Variants in ZNF596 observed in about 807,000 individuals in gnomAD.
ZNF596 encodes zinc finger protein 596.
In ZNF596, 45 loss-of-function variants were observed where a neutral mutation model predicts 48.3. That is an observed-to-expected ratio of 0.93 (90% CI 0.73 to 1.19). The LOEUF (loss-of-function observed/expected upper bound fraction) is 1.19, where lower values mean the gene tolerates loss of function less well. Among genes scored for constraint, ZNF596 ranks in the 50% most tolerant of loss-of-function variants. ZNF596 has a pLI of 0.00. For synonymous variants in ZNF596, 270 were observed against 202.0 expected (o/e 1.34, Z -2.85); for missense variants, 848 against 599.7 (o/e 1.41, Z -4.32).
chr8:242,971 C>G lies in ZNF596; in HGVS notation c.97C>G (p.Gln33Glu). The G allele has an allele frequency of 2.5e-6, 4 of 1,612,276 alleles. No individual in the cohort carries two copies. Among genetic ancestry groups the G allele is most frequent in the Non-Finnish European group, 3.4e-6 (4 of 1,178,648 alleles). ...GGACACATCCCAGAGAAAGCTGTTT[C>G]AAGATGTGATGTTGGAGAACATCAG... ...LLDTSQRKLF[Q>E]DVMLENISHL... The change falls in exon 3 of 6, where the codon CAA becomes GAA. Residue 33 changes from glutamine to glutamate, a missense_variant. By Grantham distance (29) the Gln-to-Glu change is conservative. Coordinates refer to ENST00000398612, the MANE Select transcript of ZNF596 (RefSeq NM_001042416.3).
At chr8:240,987 A>G (rs973507451) in intron 2 of ZNF596, 80 bp downstream of exon 2, 1 of 1,538,994 alleles carries the variant, frequency 6.5e-7, no homozygotes, top group Non-Finnish European at 9.0e-7. Context: ...ATTAACATGG[A>G]TGTTCTAAGT....
chr8:235,468 CTGTA>C (rs1475517982), intron 1 of ZNF596, among the ~76,000 whole-genome samples: 1 of 151,676 alleles, frequency 6.6e-6, no homozygotes, highest in East Asian at 1.9e-4. Context: ...GAACTTGATA[CTGTA>C]TGTATGTTTT....
chr8:233,506 A>G (rs1026734790), intron 1 of ZNF596: 3 of 218,314 alleles, frequency 1.4e-5, no homozygotes, highest in East Asian at 1.4e-4. Context: ...TTAGTATTCA[A>G]CAGCTTCCTC....
intron 1 of ZNF596, chr8:232,897 G>A (rs1354192433): frequency 4.3e-6 from 2 of 468,140 alleles, no homozygotes; most frequent in Non-Finnish European, 8.8e-6. Flanking sequence ...GACTGGGGTA[G>A]GGGACCTGCC....
At chr8:239,230 C>G (rs887897733) in intron 1 of ZNF596, among the ~76,000 whole-genome samples, 2 of 152,216 alleles carry the variant, frequency 1.3e-5, no homozygotes, top group African/African-American at 4.8e-5. Flanking sequence ...ACTCTGTCAC[C>G]CAGGCTGGAG....
At chr8:232,340 A>G (rs17744517), upstream of ZNF596, 20,507 of 156,482 alleles carry the variant, frequency 0.13, 1,353 homozygotes, top group East Asian at 0.34. Flanking sequence ...CCCTCCCTGC[A>G]CGTACGGGCC....
intron 3 of ZNF596, chr8:243,456 C>T (rs1300590265): frequency 1.1e-5 from 4 of 366,552 alleles, no homozygotes; most frequent in Admixed American, 4.3e-5. Context: ...TGTAATTTCT[C>T]ACTAAGTGAA....
At chr8:242,739 T>A (rs1267239708) in intron 2 of ZNF596, 148 bp from the exon 3 acceptor site, 3 of 610,906 alleles carry the variant, frequency 4.9e-6, no homozygotes, top group African/African-American at 1.9e-5. Context: ...CAGTTCAGAT[T>A]TAAAGCAATG....
chr8:237,619 A>G (rs1796672072), intron 1 of ZNF596: 3 of 152,322 alleles, frequency 2.0e-5, no homozygotes, highest in Middle Eastern at 3.4e-3. Context: ...CATATTTACT[A>G]TTTATGTATG....
intron 1 of ZNF596, 106 bp from the exon 2 acceptor site, chr8:240,718 C>A: frequency 1.4e-6 from 1 of 703,566 alleles, no homozygotes. Context: ...CCCCTACCCA[C>A]TGCATGTCCT....
Position 242,857 on chromosome 8 carries a change from G to C in ZNF596, c.13-30G>C, listed in dbSNP as rs969555725. 5 of 1,466,236 alleles carry C rather than the reference G, an allele frequency of 3.4e-6. No homozygotes were observed. In the Admixed American group the frequency reaches 6.2e-5, roughly 18 times the overall value. 90.8% of individuals were successfully genotyped at this position (1,466,236 alleles called of 1,614,324 possible). On this transcript the variant is annotated intron_variant, in intron 2 of 5. Transcript: ENST00000398612. ...ACTGAACATTGGCAGAGATAGCCCT[G>C]TTTGCAGTAGAATGTCCATAATGTT...
At chr8:233,791 A>G (rs1343585051) in intron 1 of ZNF596, 1 of 152,378 alleles carries the variant, frequency 6.6e-6, no homozygotes, top group East Asian at 1.9e-4. Context: ...GGAGAAGACA[A>G]ATGCTTTTAA....
intron 3 of ZNF596, 46 bp downstream of exon 3, chr8:243,059 A>C (rs1333682723): frequency 1.3e-6 from 2 of 1,533,608 alleles, no homozygotes; most frequent in Non-Finnish European, 1.8e-6. Context: ...GGATTCATTC[A>C]CTCACTCATT....
chr8:243,510 C>T, intron 3 of ZNF596: 2 of 433,640 alleles, frequency 4.6e-6, no homozygotes, highest in Non-Finnish European at 8.3e-6. Context: ...GAGGCATGGC[C>T]ATCAGCAATT....
At chr8:244,365 A>G (rs967013848) in intron 4 of ZNF596, 3 of 465,400 alleles carry the variant, frequency 6.4e-6, no homozygotes, top group African/African-American at 2.0e-5. Flanking sequence ...TTAAACTATT[A>G]CATACTAGCC....
Position 245,668 on chromosome 8 carries a change from C to T in ZNF596, c.821C>T (p.Thr274Ile), listed in dbSNP as rs762487868. The part of the protein sequence containing the change: ...SNLRRHEMIH[T>I]REKAQICHLC... ...CTTAGACGACATGAGATGATTCACA[C>T]TAGAGAAAAAGCACAGATATGCCAT... The change falls in exon 6 of 6, where the codon ACT becomes ATT. Residue 274 changes from threonine (T) to isoleucine (I), a missense_variant. Transcript: ENST00000398612. The T allele has an allele frequency of 2.5e-6, 4 of 1,613,652 alleles. No individual in the cohort carries two copies. The Admixed American group carries it at 6.7e-5, about 27-fold the overall frequency.
chr8:245,518 G>T lies in ZNF596; in HGVS notation c.671G>T (p.Gly224Val). ...EMIHTGEKPHGCHLCGKAFTH... is the reference protein window; with the variant it reads ...EMIHTGEKPHVCHLCGKAFTH... The stretch of plus-strand genomic sequence containing the variant: ...ATTCACACTGGAGAGAAACCACACG[G>T]ATGTCATCTATGTGGGAAAGCCTTT... Residue 224 changes from glycine (G) to valine (V), a missense_variant, in exon 6 of 6, where the codon GGA becomes GTA. Physicochemically the swap from Gly to Val is moderately radical, Grantham distance 109. Coordinates refer to ENST00000398612, the MANE Select transcript of ZNF596 (RefSeq NM_001042416.3). 1 of 1,613,872 alleles carries T rather than the reference G, an allele frequency of 6.2e-7. No individual in the cohort carries two copies. The highest frequency in any genetic ancestry group is 8.5e-7 in the Non-Finnish European group (1 of 1,179,910).
intron 3 of ZNF596, 31 bp from the exon 4 acceptor site, chr8:243,691 C>T (rs1188976859): frequency 1.2e-6 from 2 of 1,609,616 alleles, no homozygotes; most frequent in East Asian, 4.5e-5. Context: ...GCACAGAACT[C>T]AAAATCCATG....
Position 245,281 on chromosome 8 carries a change from G to C in ZNF596, c.434G>C (p.Gly145Ala), listed in dbSNP as rs780790121. The C allele has an allele frequency of 4.3e-6, 7 of 1,614,012 alleles. No homozygotes were observed. Among genetic ancestry groups the C allele is most frequent in the Non-Finnish European group, 5.9e-6 (7 of 1,179,988 alleles). Residue 145 changes from glycine (G) to alanine (A), a missense_variant, in exon 6 of 6, where the codon GGG becomes GCG. Transcript: ENST00000398612. Reference protein sequence around the residue: ...RTKHFVSKKFGKIFSDWLSFN... With the variant: ...RTKHFVSKKFAKIFSDWLSFN... Reference sequence around the variant, plus strand: ...AAACACTTTGTAAGCAAAAAGTTTGGGAAAATCTTCAGTGACTGGTTATCC... The same window carrying C: ...AAACACTTTGTAAGCAAAAAGTTTGCGAAAATCTTCAGTGACTGGTTATCC...
Sources: allele counts gnomAD v4.1 joint callset (sites outside exome capture counted in the v4.1 genomes callset), GRCh38; gene constraint gnomAD v4.1.1; transcripts MANE v1.5; gene names NCBI Gene and HGNC (gene_info 2026-07-23, HGNC 2026-07-21).